Variants in RAB21 observed in about 807,000 individuals in gnomAD.
RAB21 encodes RAB21, member RAS oncogene family.
A neutral mutation model predicts 33.1 loss-of-function variants in RAB21; 13 were observed. The ratio of observed to expected loss-of-function variants is 0.39; its 90% CI spans 0.26 to 0.62. The LOEUF is 0.62. Among genes scored for constraint, RAB21 ranks in the 20% least tolerant of loss-of-function variants. RAB21 has a pLI of 0.48. For missense variants in RAB21, 234 were observed against 279.1 expected (o/e 0.84, Z 1.15); for synonymous variants, 91 against 103.7 (o/e 0.88, Z 0.74).
Position 71,796,041 on chromosome 12 carries a change from A to G in RAB21, c.*10368A>G, listed in dbSNP as rs1230328504. On this transcript the variant is annotated 3_prime_UTR_variant, in exon 7 of 7. Transcript: ENST00000261263. ...ATTCTAATGTACATACTCGCCAAGA[A>G]ATGCTACAAGGAGCCTCTCTGCAAA... The G allele has an allele frequency of 7.3e-6, 1 of 137,692 alleles. No homozygotes were observed. The highest frequency in any genetic ancestry group is 1.5e-5 in the Non-Finnish European group (1 of 66,064). The allele number at this position is 137,692 out of a possible 1,614,324, so 8.5% of individuals were successfully genotyped here. A position where few individuals can be genotyped will look rare whatever the true frequency, so the allele number is the denominator to read the frequency against.
Position 71,794,427 on chromosome 12 carries a change from A to ATATATATATATT in RAB21, c.*8755_*8756insATATATATATTT, listed in dbSNP as rs1883435502. ...ATATTATATATATATATATATATAT[A>ATATATATATATT]TTTTTTTTTTTTTTTTTTTTTTTTT... On this transcript the variant is annotated 3_prime_UTR_variant, in exon 7 of 7. Transcript: ENST00000261263. The ATATATATATATT allele has an allele frequency of 5.7e-4, 16 of 27,960 alleles. No individual in the cohort carries two copies. The highest frequency in any genetic ancestry group is 2.0e-3 in the African/African-American group (16 of 7,892). The allele number at this position is 27,960 out of a possible 1,614,324, so 1.7% of individuals were successfully genotyped here.
chr12:71,773,002 AT>A (rs2137649574), intron 3 of RAB21, among the ~76,000 whole-genome samples: 1 of 152,302 alleles, frequency 6.6e-6, no homozygotes, highest in Non-Finnish European at 1.5e-5. Context: ...AGCTAATGTA[AT>A]TTTTGGAATT....
Position 71,798,749 on chromosome 12 carries a change from A to C in RAB21, c.*13076A>C, listed in dbSNP as rs140621382. ...TAATATTCTAGATATTATTGGTAAG[A>C]ATGGAGGGAACAAGTATTTTTGCTG... On this transcript the variant is annotated 3_prime_UTR_variant, in exon 7 of 7. Transcript: ENST00000261263. The C allele has an allele frequency of 6.6e-6, 1 of 152,312 alleles. No individual in the cohort carries two copies. The highest frequency in any genetic ancestry group is 1.5e-5 in the Non-Finnish European group (1 of 68,024). 9.4% of individuals were successfully genotyped at this position (152,312 alleles called of 1,614,324 possible). A position where few individuals can be genotyped will look rare whatever the true frequency, so the allele number is the denominator to read the frequency against.
intron 1 of RAB21, among the ~76,000 whole-genome samples, chr12:71,761,880 T>G (rs1178659638): frequency 1.3e-5 from 2 of 152,202 alleles, no homozygotes; most frequent in Non-Finnish European, 2.9e-5. Context: ...TGCATCATAG[T>G]CTTGGTCTAG....
chr12:71,777,775 C>T (rs1448377820), intron 4 of RAB21, among the ~76,000 whole-genome samples: 1 of 152,174 alleles, frequency 6.6e-6, no homozygotes, highest in Non-Finnish European at 1.5e-5. Context: ...CATTTTCTCT[C>T]CTAGGTTTAT....
At chr12:71,757,665 C>T (rs1460217665) in intron 1 of RAB21, among the ~76,000 whole-genome samples, 1 of 152,172 alleles carries the variant, frequency 6.6e-6, no homozygotes, top group African/African-American at 2.4e-5. Flanking sequence ...TCTTTCTTAA[C>T]AATTTTTCAG....
intron 1 of RAB21, among the ~76,000 whole-genome samples, chr12:71,763,010 T>G (rs1261102227): frequency 1.3e-5 from 2 of 152,028 alleles, no homozygotes; most frequent in Non-Finnish European, 2.9e-5. Context: ...ATTTTTTTAT[T>G]TTATTTTAAA....
chr12:71,772,661 C>T (rs1174012000), intron 3 of RAB21, among the ~76,000 whole-genome samples: 1 of 151,938 alleles, frequency 6.6e-6, no homozygotes, highest in Non-Finnish European at 1.5e-5. Context: ...TGCTGTGTTT[C>T]TTTTGAGGTG....
At chr12:71,780,509 A>G (rs1335115548) in intron 4 of RAB21, among the ~76,000 whole-genome samples, 2 of 152,220 alleles carry the variant, frequency 1.3e-5, no homozygotes, top group African/African-American at 2.4e-5. Flanking sequence ...AATGACAAAT[A>G]TAATGTAGGA....
At chr12:71,777,075 G>A (rs1336746011) in intron 4 of RAB21, among the ~76,000 whole-genome samples, 1 of 152,106 alleles carries the variant, frequency 6.6e-6, no homozygotes, top group African/African-American at 2.4e-5. Context: ...TTTAAAGTGA[G>A]TTTTTCATTA....
intron 4 of RAB21, among the ~76,000 whole-genome samples, chr12:71,781,117 G>A (rs1470296656): frequency 3.9e-5 from 6 of 152,064 alleles, no homozygotes; most frequent in Admixed American, 2.0e-4. Context: ...ATTTAAATCT[G>A]CATGATATAC....
At chr12:71,775,416 A>G (rs1164663176) in intron 4 of RAB21, among the ~76,000 whole-genome samples, 1 of 152,228 alleles carries the variant, frequency 6.6e-6, no homozygotes. Context: ...TACATACCTG[A>G]TAATATTAAA....
At chr12:71,756,434 G>A (rs112375242) in intron 1 of RAB21, among the ~76,000 whole-genome samples, 15 of 152,270 alleles carry the variant, frequency 9.9e-5, no homozygotes, top group African/African-American at 3.4e-4. Context: ...TGAGAACATC[G>A]ACACTACTTA....
rs1323436650 is a variant in RAB21, at chr12:71,790,791, A to G, written c.*5118A>G. The G allele has an allele frequency of 1.3e-5, 2 of 151,942 alleles. No homozygotes were observed. Among genetic ancestry groups the G allele is most frequent in the East Asian group, 3.9e-4 (2 of 5,188 alleles). The allele number at this position is 151,942 out of a possible 1,614,324, so 9.4% of individuals were successfully genotyped here. A position where few individuals can be genotyped will look rare whatever the true frequency, so the allele number is the denominator to read the frequency against. On this transcript the variant is annotated 3_prime_UTR_variant, in exon 7 of 7. Transcript: ENST00000261263. Reference sequence around the variant, plus strand: ...TTTGCCATTTGCCTTTTCTCTTGCCAACGTGTCTAGGAGCTCTTTGGTAAA... The same window carrying G: ...TTTGCCATTTGCCTTTTCTCTTGCCGACGTGTCTAGGAGCTCTTTGGTAAA...
Position 71,799,583 on chromosome 12 carries a change from A to C in RAB21, c.*13910A>C, listed in dbSNP as rs142780110. The C allele has an allele frequency of 3.3e-5, 5 of 152,342 alleles. No homozygotes were observed. The highest frequency in any genetic ancestry group is 5.9e-5 in the Non-Finnish European group (4 of 68,038). The allele number at this position is 152,342 out of a possible 1,614,324, so 9.4% of individuals were successfully genotyped here. ...AATTGACACCAGTAGGGGAATAGTA[A>C]AATCAATTACTATGCATGCATATAA... On this transcript the variant is annotated 3_prime_UTR_variant, in exon 7 of 7. Transcript: ENST00000261263.
intron 1 of RAB21, among the ~76,000 whole-genome samples, chr12:71,769,219 A>G (rs537902285): frequency 1.3e-5 from 2 of 152,148 alleles, no homozygotes; most frequent in Non-Finnish European, 2.9e-5. Context: ...TTTACAGTGT[A>G]TTTGGCAAGA....
chr12:71,783,531 A>G (rs916337904), intron 6 of RAB21, among the ~76,000 whole-genome samples: 1 of 152,030 alleles, frequency 6.6e-6, no homozygotes, highest in African/African-American at 2.4e-5. Context: ...TTCTTCTAAA[A>G]TATTGATTAT....
At chr12:71,768,334 C>A (rs1296344552) in intron 1 of RAB21, among the ~76,000 whole-genome samples, 2 of 152,166 alleles carry the variant, frequency 1.3e-5, no homozygotes, top group African/African-American at 4.8e-5. Context: ...TTCTTTCCTT[C>A]AGTAATTCAC....
At chr12:71,773,934 A>AT in intron 3 of RAB21, 25 bp from the exon 4 acceptor site, 2 of 1,523,446 alleles carry the variant, frequency 1.3e-6, no homozygotes, top group Non-Finnish European at 1.8e-6. Context: ...GATTTGTTTT[A>AT]ATATGTGCTC....
Sources: gnomAD v4.1 joint callset for allele counts (sites outside exome capture counted in the v4.1 genomes callset) on GRCh38, gnomAD v4.1.1 for gene constraint, MANE v1.5 for transcripts, NCBI Gene and HGNC (gene_info 2026-07-23, HGNC 2026-07-21) for gene names.